DAPK1: variants seen among roughly 807,000 people sequenced by gnomAD.
DAPK1 encodes the protein death associated protein kinase 1, also known as death-associated protein kinase 1.
DAPK1 carries 56 observed loss-of-function variants against 144.9 expected under a neutral mutation model. The observed-to-expected ratio is 0.39, with a 90% confidence interval of 0.31 to 0.48. The LOEUF (loss-of-function observed/expected upper bound fraction) is 0.48. Ranked by LOEUF, DAPK1 falls within the 20% of genes least tolerant of loss-of-function variation. DAPK1 has a pLI of 0.95. For synonymous variants in DAPK1, 690 were observed against 749.0 expected, an observed-to-expected ratio of 0.92 and a Z score of 1.29; for missense variants, 1,454 against 1,875.4, an observed-to-expected ratio of 0.78 and a Z score of 4.15.
intron 2 of DAPK1, among the ~76,000 whole-genome samples, chr9:87,530,734 T>C (rs550138924): frequency 2.6e-5 from 4 of 152,250 alleles, no homozygotes; most frequent in African/African-American, 7.2e-5. Flanking sequence ...CTTTGTGACA[T>C]TGGGGTTTCA....
chr9:87,592,882 C>A (rs1219612231), intron 2 of DAPK1, among the ~76,000 whole-genome samples: 1 of 152,190 alleles, frequency 6.6e-6, no homozygotes, highest in Non-Finnish European at 1.5e-5. Flanking sequence ...CCTGAAGTGA[C>A]CCTGCGGTCC....
At position 87,676,979 on chromosome 9, in the gene DAPK1, C is replaced by T. The variant is rs528397605; in HGVS notation, c.2002-4425C>T. Among the ~76,000 whole-genome samples, 31 of 152,326 alleles carry T rather than the reference C, an allele frequency of 2.0e-4. 1 individual carries two copies. In the South Asian group the frequency reaches 6.0e-3, roughly 30 times the overall value. Reference sequence around the variant, plus strand: ...TGTCACCTTGGGCAAGTGCCTTGGCCTCTCCAAGCCTCAATTTCCTCATCC... The same window carrying T: ...TGTCACCTTGGGCAAGTGCCTTGGCTTCTCCAAGCCTCAATTTCCTCATCC... On this transcript the variant is annotated intron_variant, in intron 19 of 25. Transcript: ENST00000408954.
intron 2 of DAPK1, among the ~76,000 whole-genome samples, chr9:87,521,572 A>G (rs918717295): frequency 1.3e-5 from 2 of 152,220 alleles, no homozygotes; most frequent in Non-Finnish European, 2.9e-5. Flanking sequence ...CTCAGCTGCC[A>G]TGTCCTGCCT....
rs371837609 is a variant in DAPK1, at chr9:87,672,374, A to G, written c.2001+3700A>G. Among the ~76,000 whole-genome samples, 10 of 152,200 alleles carry G rather than the reference A, an allele frequency of 6.6e-5. No homozygotes were observed. In the East Asian group the frequency reaches 1.9e-3, roughly 29 times the overall value. The stretch of plus-strand genomic sequence containing the variant: ...CAAAGAGGTGAGCAACATACTAATC[A>G]GTGCAGACCTGAGGTCCTGACCTGA... On this transcript the variant is annotated intron_variant, in intron 19 of 25. Transcript: ENST00000408954.
intron 19 of DAPK1, among the ~76,000 whole-genome samples, chr9:87,679,712 TGAA>T (rs1824533661): frequency 6.6e-6 from 1 of 152,184 alleles, no homozygotes. Flanking sequence ...GGTTGATGAA[TGAA>T]GGAGTGAGTG....
chr9:87,513,400 G>T (rs1048437695), intron 2 of DAPK1, among the ~76,000 whole-genome samples: 1 of 152,194 alleles, frequency 6.6e-6, no homozygotes, highest in Non-Finnish European at 1.5e-5. Flanking sequence ...TTTTGACTTG[G>T]AGGTTTCATT....
chr9:87,502,555 T>G (rs980462760), intron 2 of DAPK1, among the ~76,000 whole-genome samples: 3 of 152,226 alleles, frequency 2.0e-5, no homozygotes, highest in Admixed American at 2.0e-4. Flanking sequence ...TCGTTCAGCC[T>G]AACCTGTGAG....
At position 87,497,958 on chromosome 9, in the gene DAPK1, G is replaced by A; in HGVS notation, c.-258G>A. ...GGACTCGGCAACTCGCAGCGGCAGGGTCTGGGGCCGGCGCCTGGGAGGGAT... is the reference window on the plus strand; with the variant it reads ...GGACTCGGCAACTCGCAGCGGCAGGATCTGGGGCCGGCGCCTGGGAGGGAT... On this transcript the variant is annotated 5_prime_UTR_variant, in exon 1 of 26. Coordinates refer to ENST00000408954, the MANE Select transcript of DAPK1 (RefSeq NM_004938.4). 2.5e-6 allele frequency: 1 copy of A among 396,946 alleles called. No individual in the cohort carries two copies. The highest frequency in any genetic ancestry group is 4.4e-6 in the Non-Finnish European group (1 of 225,424). The allele number at this position is 396,946 out of a possible 1,614,324, so 24.6% of individuals were successfully genotyped here. A position where few individuals can be genotyped will look rare whatever the true frequency, so the allele number is the denominator to read the frequency against.
At chr9:87,497,751 G>C (rs1157265197), upstream of DAPK1, 1 of 308,302 alleles carries the variant, frequency 3.2e-6, no homozygotes, top group Non-Finnish European at 5.9e-6. Context: ...CCGCAGCGCC[G>C]GCCTGGCAGG....
intron 2 of DAPK1, among the ~76,000 whole-genome samples, chr9:87,526,331 C>T (rs1479957292): frequency 6.6e-6 from 1 of 152,200 alleles, no homozygotes; most frequent in African/African-American, 2.4e-5. Flanking sequence ...CTCCCCACCT[C>T]CCTTCATCTG....
Position 87,624,540 on chromosome 9 carries a change from A to T in DAPK1, c.285-13403A>T, listed in dbSNP as rs36209407. Among the ~76,000 whole-genome samples, 975 of 152,330 alleles carry T rather than the reference A, an allele frequency of 6.4e-3. 12 individuals are homozygous for T. The highest frequency in any genetic ancestry group is 0.022 in the African/African-American group (907 of 41,560). ...TGCAGCAAAAGAGACCACAGCTCTC[A>T]ATGGGTAGTGCCAAAGGGTTTGCAG... On this transcript the variant is annotated intron_variant, in intron 3 of 25. Coordinates refer to ENST00000408954, the MANE Select transcript of DAPK1 (RefSeq NM_004938.4).
At chr9:87,626,678 T>C (rs902001855) in intron 3 of DAPK1, among the ~76,000 whole-genome samples, 5 of 152,180 alleles carry the variant, frequency 3.3e-5, no homozygotes, top group Admixed American at 2.6e-4. Flanking sequence ...TTGGAATGGA[T>C]GTAAAGACCA....
At chr9:87,589,055 A>ATTTTTTTTTTTTTTTTTTTT (rs35875159) in intron 2 of DAPK1, among the ~76,000 whole-genome samples, 5 of 101,202 alleles carry the variant, frequency 4.9e-5, no homozygotes, top group Non-Finnish European at 5.8e-5. Flanking sequence ...CGCCCGGCTA[A>ATTTTTTTTTTTTTTTTTTTT]TTTTTTTTTT....
chr9:87,653,419 G>A (rs779507349), intron 17 of DAPK1, among the ~76,000 whole-genome samples: 99 of 152,270 alleles, frequency 6.5e-4, no homozygotes, highest in Non-Finnish European at 1.1e-3. Context: ...TGTGACTTTT[G>A]AATAATTTCA....
intron 3 of DAPK1, among the ~76,000 whole-genome samples, chr9:87,620,614 G>A (rs949424900): frequency 3.3e-5 from 5 of 151,576 alleles, no homozygotes; most frequent in African/African-American, 9.7e-5. Context: ...GAGGAGGACC[G>A]GGAATAGGAC....
At chr9:87,586,434 G>C (rs1221872023) in intron 2 of DAPK1, among the ~76,000 whole-genome samples, 1 of 151,992 alleles carries the variant, frequency 6.6e-6, no homozygotes, top group Admixed American at 6.6e-5. Flanking sequence ...GTATGTATAT[G>C]CATACAGTTA....
At chr9:87,539,975 T>C (rs1825985500) in intron 2 of DAPK1, among the ~76,000 whole-genome samples, 1 of 151,936 alleles carries the variant, frequency 6.6e-6, no homozygotes, top group African/African-American at 2.4e-5. Context: ...GCAATTCGGA[T>C]GTGCCAAAAA....
At chr9:87,511,970 C>T (rs1824865279) in intron 2 of DAPK1, among the ~76,000 whole-genome samples, 2 of 152,192 alleles carry the variant, frequency 1.3e-5, no homozygotes, top group Admixed American at 1.3e-4. Context: ...CCTCGGCCTC[C>T]CAAAGTGCTG....
intron 21 of DAPK1, among the ~76,000 whole-genome samples, chr9:87,690,793 C>T (rs1825029737): frequency 6.6e-6 from 1 of 152,054 alleles, no homozygotes; most frequent in Non-Finnish European, 1.5e-5. Flanking sequence ...GCTTTTTCGG[C>T]ATCTGTTGAG....
Sources: gnomAD v4.1 joint callset for allele counts (sites outside exome capture counted in the v4.1 genomes callset) on GRCh38, gnomAD v4.1.1 for gene constraint, MANE v1.5 for transcripts, NCBI Gene and HGNC (gene_info 2026-07-23, HGNC 2026-07-21) for gene names.